SEMA3E: variants seen among roughly 807,000 people sequenced by gnomAD.
SEMA3E encodes semaphorin 3E, also known as semaphorin-3E.
A neutral mutation model predicts 93.6 loss-of-function variants in SEMA3E; 49 were observed. That is an observed-to-expected ratio of 0.52 (90% CI 0.42 to 0.66). The LOEUF (loss-of-function observed/expected upper bound fraction) is 0.66, where lower values mean the gene tolerates loss of function less well. SEMA3E is among the 30% of genes least tolerant of loss of function. The pLI is 0.00. For synonymous variants in SEMA3E, 363 were observed against 330.7 expected (o/e 1.10, Z -1.06); for missense variants, 906 against 964.8 (o/e 0.94, Z 0.81).
At chr7:83,578,578 A>G (rs1792456502) in intron 1 of SEMA3E, among the ~76,000 whole-genome samples, 1 of 152,102 alleles carries the variant, frequency 6.6e-6, no homozygotes, top group African/African-American at 2.4e-5. Flanking sequence ...AGAATCCGTA[A>G]TTTGGTCTAT....
Position 83,495,267 on chromosome 7 carries a change from C to A in SEMA3E, c.116-4993G>T, listed in dbSNP as rs1253940627. 1.3e-5 allele frequency among the ~76,000 whole-genome samples: 2 copies of A among 151,746 alleles called. 1 individual carries two copies. The highest frequency in any genetic ancestry group is 4.8e-5 in the African/African-American group (2 of 41,386). ...TGCCAAATATGAAAATTTGAGTCTT[C>A]ATTAATTGATCTTAAGTCATTTTTC... On this transcript the variant is annotated intron_variant, in intron 1 of 16. Transcript: ENST00000643230.
At chr7:83,369,545 A>G (rs572128625) in intron 16 of SEMA3E, among the ~76,000 whole-genome samples, 2 of 152,270 alleles carry the variant, frequency 1.3e-5, no homozygotes, top group Non-Finnish European at 1.5e-5. Flanking sequence ...TGGGCTAATA[A>G]AAGAGTCTCC....
At chr7:83,601,248 T>C (rs927105887) in intron 1 of SEMA3E, among the ~76,000 whole-genome samples, 2 of 152,188 alleles carry the variant, frequency 1.3e-5, no homozygotes, top group African/African-American at 4.8e-5. Flanking sequence ...TTAAAGAGAC[T>C]ATGTTTATGG....
intron 4 of SEMA3E, among the ~76,000 whole-genome samples, chr7:83,432,272 GTTT>G (rs61299855): frequency 2.0e-5 from 3 of 146,688 alleles, no homozygotes; most frequent in Non-Finnish European, 4.5e-5. Flanking sequence ...GCATTTGAGG[GTTT>G]TTTTTTTTGT....
chr7:83,560,466 C>T (rs1562832852), intron 1 of SEMA3E, among the ~76,000 whole-genome samples: 1 of 151,948 alleles, frequency 6.6e-6, no homozygotes, highest in East Asian at 1.9e-4. Flanking sequence ...ACTGATAATG[C>T]TAATTATTCT....
intron 4 of SEMA3E, among the ~76,000 whole-genome samples, chr7:83,420,020 T>C (rs773324990): frequency 6.6e-6 from 1 of 152,152 alleles, no homozygotes. Flanking sequence ...TCTTCACTGA[T>C]TGATTCTATA....
intron 4 of SEMA3E, among the ~76,000 whole-genome samples, chr7:83,451,314 C>T (rs1249561976): frequency 6.6e-6 from 1 of 152,130 alleles, no homozygotes; most frequent in Non-Finnish European, 1.5e-5. Context: ...TTTATAAACA[C>T]TTTAACCAAC....
At chr7:83,533,627 G>T (rs1791350926) in intron 1 of SEMA3E, among the ~76,000 whole-genome samples, 1 of 151,984 alleles carries the variant, frequency 6.6e-6, no homozygotes, top group African/African-American at 2.4e-5. Context: ...TGAGGCAGTA[G>T]AATAGAGGAA....
intron 1 of SEMA3E, among the ~76,000 whole-genome samples, chr7:83,541,319 T>C (rs539782908): frequency 6.6e-6 from 1 of 152,308 alleles, no homozygotes; most frequent in East Asian, 1.9e-4. Context: ...CCTTATTTTA[T>C]CTATAGCATT....
intron 1 of SEMA3E, among the ~76,000 whole-genome samples, chr7:83,533,339 C>G (rs537801323): frequency 6.6e-6 from 1 of 151,962 alleles, no homozygotes; most frequent in South Asian, 2.1e-4. Context: ...GTTAGGAGTA[C>G]GAGACCAGTC....
intron 4 of SEMA3E, among the ~76,000 whole-genome samples, chr7:83,440,698 A>C (rs1161730117): frequency 6.6e-6 from 1 of 151,758 alleles, no homozygotes; most frequent in Non-Finnish European, 1.5e-5. Context: ...CTGTAATCCC[A>C]GCTACTCAGG....
At chr7:83,503,094 A>AT (rs1322758669) in intron 1 of SEMA3E, among the ~76,000 whole-genome samples, 1 of 151,064 alleles carries the variant, frequency 6.6e-6, no homozygotes, top group Non-Finnish European at 1.5e-5. Context: ...GGCTTTCTTA[A>AT]TTACGTTCTG....
intron 1 of SEMA3E, among the ~76,000 whole-genome samples, chr7:83,582,570 G>C (rs1339502682): frequency 6.6e-6 from 1 of 151,900 alleles, no homozygotes; most frequent in Non-Finnish European, 1.5e-5. Context: ...AAAATCCCTG[G>C]GATAAATGGC....
At chr7:83,611,064 A>G (rs1022130187) in intron 1 of SEMA3E, among the ~76,000 whole-genome samples, 4 of 151,378 alleles carry the variant, frequency 2.6e-5, no homozygotes, top group Non-Finnish European at 5.9e-5. Flanking sequence ...ATTGCTTTCA[A>G]TGGCAAATTT....
At chr7:83,466,733 G>A (rs1453058837) in intron 3 of SEMA3E, 132 bp from the exon 4 acceptor site, 5 of 1,086,152 alleles carry the variant, frequency 4.6e-6, no homozygotes, top group East Asian at 5.1e-5. Context: ...GGAGGCAAGA[G>A]GGGTAGAAGA....
chr7:83,403,613 CTGTAT>C (rs1319759664), intron 9 of SEMA3E, among the ~76,000 whole-genome samples: 1 of 151,914 alleles, frequency 6.6e-6, no homozygotes, highest in Non-Finnish European at 1.5e-5. Context: ...ATCAGAATCT[CTGTAT>C]TGTAAGAATC....
chr7:83,540,102 C>T (rs1179715324), intron 1 of SEMA3E, among the ~76,000 whole-genome samples: 1 of 152,104 alleles, frequency 6.6e-6, no homozygotes, highest in Non-Finnish European at 1.5e-5. Flanking sequence ...AGGCTGGTCC[C>T]GAACTCCTGA....
intron 11 of SEMA3E, among the ~76,000 whole-genome samples, chr7:83,397,790 G>A (rs1219147626): frequency 6.6e-6 from 1 of 152,088 alleles, no homozygotes; most frequent in Non-Finnish European, 1.5e-5. Context: ...TATTTCAGCA[G>A]TTTGTTGAAA....
At chr7:83,505,707 G>A (rs1790687429) in intron 1 of SEMA3E, among the ~76,000 whole-genome samples, 1 of 152,008 alleles carries the variant, frequency 6.6e-6, no homozygotes, top group Non-Finnish European at 1.5e-5. Flanking sequence ...AAGAATTTAT[G>A]CTGAAGATAC....
Sources: gnomAD v4.1 joint callset for allele counts (sites outside exome capture counted in the v4.1 genomes callset) on GRCh38, gnomAD v4.1.1 for gene constraint, MANE v1.5 for transcripts, NCBI Gene and HGNC (gene_info 2026-07-23, HGNC 2026-07-21) for gene names.